The following ATP11B variants were observed in gnomAD, a reference collection of about 807,000 sequenced individuals.
ATP11B encodes the protein phospholipid-transporting ATPase IF.
In ATP11B, 81 loss-of-function variants were observed where a neutral mutation model predicts 157.8. The observed-to-expected ratio is 0.51, with a 90% CI of 0.43 to 0.62. The LOEUF (loss-of-function observed/expected upper bound fraction) is 0.62. Ranked by LOEUF, ATP11B falls within the 20% of genes least tolerant of loss-of-function variation. The pLI is 0.00. For synonymous variants in ATP11B, 451 were observed against 469.4 expected (o/e 0.96, Z 0.51); for missense variants, 1,165 against 1,402.2 (o/e 0.83, Z 2.70).
intron 21 of ATP11B, among the ~76,000 whole-genome samples, chr3:182,882,149 G>T (rs1237762382): frequency 6.6e-6 from 1 of 152,144 alleles, no homozygotes; most frequent in Non-Finnish European, 1.5e-5. Flanking sequence ...TCTATAATGT[G>T]CTGGATGGGA....
intron 1 of ATP11B, among the ~76,000 whole-genome samples, chr3:182,810,330 T>A (rs1053229927): frequency 1.3e-5 from 2 of 152,186 alleles, no homozygotes; most frequent in African/African-American, 2.4e-5. Flanking sequence ...AGACTCCACC[T>A]CAAAATAAAT....
At chr3:182,917,752 C>A in intron 29 of ATP11B, 4 of 985,006 alleles carry the variant, frequency 4.1e-6, no homozygotes, top group Non-Finnish European at 4.8e-6. Context: ...GCAGCTCATG[C>A]TTTACTACAT....
intron 19 of ATP11B, among the ~76,000 whole-genome samples, chr3:182,878,827 T>A (rs529941940): frequency 6.6e-6 from 1 of 151,722 alleles, no homozygotes; most frequent in African/African-American, 2.4e-5. Flanking sequence ...TTTCATAGAG[T>A]TTTTTTTTAA....
At chr3:182,813,564 T>C (rs970611381) in intron 1 of ATP11B, among the ~76,000 whole-genome samples, 2 of 152,092 alleles carry the variant, frequency 1.3e-5, no homozygotes, top group African/African-American at 2.4e-5. Flanking sequence ...TTGATAAAAA[T>C]AAGACATATC....
intron 28 of ATP11B, among the ~76,000 whole-genome samples, chr3:182,903,534 A>G: frequency 6.6e-6 from 1 of 152,190 alleles, no homozygotes. Flanking sequence ...TAAACCTTTC[A>G]GGTTTTTTAT....
At chr3:182,848,399 A>C (rs1719705751) in intron 9 of ATP11B, 77 bp from the exon 10 acceptor site, 1 of 862,334 alleles carries the variant, frequency 1.2e-6, no homozygotes, top group South Asian at 3.1e-5. Flanking sequence ...AAAAGCTTTC[A>C]TGCTGGTAAA....
Position 182,884,893 on chromosome 3 carries a change from T to A in ATP11B, c.2650T>A (p.Tyr884Asn). The change falls in exon 22 of 30, where the codon TAT becomes AAT. Residue 884 changes from tyrosine to asparagine, a missense_variant. Around this residue, in one of 4 missense-constraint regions of ATP11B, gnomAD observed 737 missense variants for 930.5 expected, o/e 0.79. Transcript: ENST00000323116. ...AGCTACCCTTGTACAGTATTTTTTT[T>A]ATAAGGTGAGTTTCATGTATTTAGA... is the stretch of plus-strand genomic sequence containing the variant. ...RIATLVQYFFYKNVCFITPQF... is the reference protein window; with the variant it reads ...RIATLVQYFFNKNVCFITPQF... The A allele has an allele frequency of 2.8e-6, 4 of 1,410,326 alleles. No homozygotes were observed. Among genetic ancestry groups the A allele is most frequent in the Non-Finnish European group, 3.9e-6 (4 of 1,034,134 alleles). The allele number at this position is 1,410,326 out of a possible 1,614,324, so 87.4% of individuals were successfully genotyped here.
chr3:182,852,924 T>G (rs1720091733), intron 10 of ATP11B, among the ~76,000 whole-genome samples: 1 of 152,150 alleles, frequency 6.6e-6, no homozygotes, highest in South Asian at 2.1e-4. Context: ...AACAAAAAAT[T>G]TAAAAATACA....
intron 20 of ATP11B, 99 bp downstream of exon 20, chr3:182,879,748 A>G (rs1176048053): frequency 2.7e-6 from 3 of 1,112,082 alleles, no homozygotes; most frequent in Non-Finnish European, 2.4e-6. Context: ...GTGATGTGCA[A>G]TATATACATT....
chr3:182,881,974 TCA>T (rs1722457994), intron 21 of ATP11B, among the ~76,000 whole-genome samples: 1 of 152,238 alleles, frequency 6.6e-6, no homozygotes, highest in South Asian at 2.1e-4. Flanking sequence ...TTTATTAGAT[TCA>T]GACTGCTAAT....
chr3:182,796,264 T>C (rs1372332580), intron 1 of ATP11B, among the ~76,000 whole-genome samples: 1 of 152,224 alleles, frequency 6.6e-6, no homozygotes, highest in African/African-American at 2.4e-5. Context: ...GAAAATTCTC[T>C]TATGGTGTCT....
chr3:182,857,661 A>C (rs1279473754), intron 10 of ATP11B, among the ~76,000 whole-genome samples: 1 of 152,146 alleles, frequency 6.6e-6, no homozygotes, highest in Non-Finnish European at 1.5e-5. Flanking sequence ...GGCTATATTA[A>C]ATAGGCTTGT....
chr3:182,798,975 C>A (rs1232689453), intron 1 of ATP11B, among the ~76,000 whole-genome samples: 1 of 152,166 alleles, frequency 6.6e-6, no homozygotes, highest in Non-Finnish European at 1.5e-5. Context: ...TATTTCTGTT[C>A]TACAGCATTG....
chr3:182,796,631 C>T (rs1241938751), intron 1 of ATP11B, among the ~76,000 whole-genome samples: 2 of 152,164 alleles, frequency 1.3e-5, no homozygotes, highest in African/African-American at 4.8e-5. Context: ...TGTAATACTA[C>T]ATTTTTAAAG....
chr3:182,814,339 AC>A lies in ATP11B; in HGVS notation c.28-5920del, dbSNP rs540211020. 2.3e-4 allele frequency among the ~76,000 whole-genome samples: 35 copies of A among 152,246 alleles called. No individual in the cohort carries two copies. The East Asian group carries it at 6.8e-3, about 30-fold the overall frequency. ...CTCGGCCTCCCAAAGTGCTGAGATT[AC>A]AGGCGTGAGCCACTGTGCCCAGCCT... On this transcript the variant is annotated intron_variant, in intron 1 of 29. Coordinates refer to ENST00000323116, the MANE Select transcript of ATP11B (RefSeq NM_014616.3).
chr3:182,840,704 C>T (rs1459802678), intron 7 of ATP11B, among the ~76,000 whole-genome samples: 1 of 152,128 alleles, frequency 6.6e-6, no homozygotes, highest in Non-Finnish European at 1.5e-5. Context: ...TCTTTCTTCA[C>T]CTCCTTACTC....
At chr3:182,895,479 G>A (rs1172686046) in intron 25 of ATP11B, among the ~76,000 whole-genome samples, 1 of 152,196 alleles carries the variant, frequency 6.6e-6, no homozygotes, top group Non-Finnish European at 1.5e-5. Flanking sequence ...AATGAAGAAA[G>A]TGAGATATAG....
chr3:182,911,992 T>C (rs946881423), intron 28 of ATP11B, among the ~76,000 whole-genome samples: 6 of 152,090 alleles, frequency 3.9e-5, no homozygotes, highest in African/African-American at 1.4e-4. Context: ...GAGTGGAGAC[T>C]GCACCAGAGC....
chr3:182,799,434 G>A (rs1438056601), intron 1 of ATP11B, among the ~76,000 whole-genome samples: 2 of 151,826 alleles, frequency 1.3e-5, no homozygotes, highest in Non-Finnish European at 2.9e-5. Flanking sequence ...CCACCACCAC[G>A]CCCAGCTAAT....
Sources: gnomAD v4.1 joint callset for allele counts (sites outside exome capture counted in the v4.1 genomes callset) on GRCh38, gnomAD v4.1.1 for gene constraint, gnomAD v4.1.1 regional missense constraint, MANE v1.5 for transcripts, NCBI Gene and HGNC (gene_info 2026-07-23, HGNC 2026-07-21) for gene names.